The following SUPT3H variants were observed in gnomAD, a reference collection of about 807,000 sequenced individuals.
SUPT3H encodes the protein SPT3 homolog, SAGA and STAGA complex component.
Under a neutral mutation model 44.3 loss-of-function variants are expected in SUPT3H, and 44 were observed. The observed-to-expected ratio is 0.99, with a 90% CI of 0.78 to 1.28. The LOEUF is 1.28. Ranked by LOEUF, SUPT3H falls within the 50% of genes most tolerant of loss-of-function variation. The pLI is 0.00. For synonymous variants in SUPT3H, 124 were observed against 125.6 expected (o/e 0.99, Z 0.09); for missense variants, 380 against 387.1 (o/e 0.98, Z 0.15).
In SUPT3H at chr6:45,253,848, CATATATATATATAT is replaced by C. The variant is rs34256293; in HGVS notation, c.101+111339_101+111352del. Among the ~76,000 whole-genome samples the C allele has an allele frequency of 1.0e-3, 90 of 88,764 alleles. 3 individuals are homozygous for C. Among genetic ancestry groups the C allele is most frequent in the East Asian group, 7.1e-3 (15 of 2,124 alleles). The allele number at this position is 88,764 out of a possible 152,430, so 58.2% of individuals were successfully genotyped here. On this transcript the variant is annotated intron_variant, in intron 2 of 10. Coordinates refer to ENST00000371459, the MANE Select transcript of SUPT3H (RefSeq NM_003599.4). ...AAAAATACACACGTACACATATACG[CATATATATATATAT>C]ATATATATATACACACACACAGTAC...
At chr6:45,123,264 G>A (rs1801929035) in intron 2 of SUPT3H, among the ~76,000 whole-genome samples, 1 of 151,964 alleles carries the variant, frequency 6.6e-6, no homozygotes, top group Admixed American at 6.5e-5. Context: ...ATACAAATAA[G>A]CACACATGAA....
chr6:45,303,029 T>C (rs948154784), intron 2 of SUPT3H, among the ~76,000 whole-genome samples: 1 of 152,106 alleles, frequency 6.6e-6, no homozygotes, highest in African/African-American at 2.4e-5. Flanking sequence ...AAGGATACCC[T>C]ATTGAACAAA....
chr6:45,050,541 C>G (rs1046432246), intron 3 of SUPT3H, among the ~76,000 whole-genome samples: 6 of 151,970 alleles, frequency 3.9e-5, no homozygotes, highest in Admixed American at 1.3e-4. Flanking sequence ...TCATTTGAAC[C>G]TATAAATTAA....
chr6:45,221,010 T>C (rs562638447), intron 2 of SUPT3H, among the ~76,000 whole-genome samples: 1 of 152,186 alleles, frequency 6.6e-6, no homozygotes, highest in Non-Finnish European at 1.5e-5. Context: ...TAAGAAAATA[T>C]GGCACAAATA....
chr6:44,848,704 C>A (rs1436418814), intron 10 of SUPT3H, among the ~76,000 whole-genome samples: 3 of 152,178 alleles, frequency 2.0e-5, no homozygotes, highest in African/African-American at 7.2e-5. Flanking sequence ...GGTACTTCTA[C>A]AAGCATTCTC....
chr6:45,273,584 A>G (rs991187142), intron 2 of SUPT3H, among the ~76,000 whole-genome samples: 1 of 152,222 alleles, frequency 6.6e-6, no homozygotes, highest in African/African-American at 2.4e-5. Context: ...ACCCAGGCAT[A>G]GTATTTCATA....
chr6:45,129,512 T>C (rs543720350), intron 2 of SUPT3H, among the ~76,000 whole-genome samples: 11 of 152,304 alleles, frequency 7.2e-5, no homozygotes, highest in African/African-American at 4.8e-5. Flanking sequence ...TAAGGAGAAT[T>C]AGACTGCTAA....
intron 2 of SUPT3H, among the ~76,000 whole-genome samples, chr6:45,332,900 A>G (rs1157619124): frequency 6.6e-6 from 1 of 151,678 alleles, no homozygotes; most frequent in African/African-American, 2.4e-5. Flanking sequence ...ACGTTACCTT[A>G]ATGTACTATT....
intron 10 of SUPT3H, among the ~76,000 whole-genome samples, chr6:44,928,670 C>T (rs977827379): frequency 2.7e-5 from 4 of 150,728 alleles, no homozygotes; most frequent in African/African-American, 9.8e-5. Flanking sequence ...CCGAGGCGGG[C>T]GGATCACGAG....
At chr6:45,181,150 T>C (rs1813092157) in intron 2 of SUPT3H, among the ~76,000 whole-genome samples, 1 of 138,146 alleles carries the variant, frequency 7.2e-6, no homozygotes, top group African/African-American at 2.8e-5. Flanking sequence ...GAAATGCAAA[T>C]CAAAACCACA....
At chr6:45,339,365 C>T (rs1789285731) in intron 2 of SUPT3H, among the ~76,000 whole-genome samples, 1 of 152,032 alleles carries the variant, frequency 6.6e-6, no homozygotes, top group Non-Finnish European at 1.5e-5. Flanking sequence ...AGATTGTGAG[C>T]CAATAGATAG....
chr6:45,248,721 C>A (rs576096854), intron 2 of SUPT3H, among the ~76,000 whole-genome samples: 2 of 152,114 alleles, frequency 1.3e-5, no homozygotes, highest in East Asian at 3.9e-4. Flanking sequence ...TCGAGACCAC[C>A]CTGGTCAACA....
At chr6:44,877,277 G>A (rs1298177799) in intron 10 of SUPT3H, among the ~76,000 whole-genome samples, 2 of 152,138 alleles carry the variant, frequency 1.3e-5, no homozygotes, top group Non-Finnish European at 2.9e-5. Context: ...GACCAGTCTG[G>A]TCAACATGGT....
rs1785582157 is a variant in SUPT3H at position 45,322,076 on chromosome 6, AAAAG to A, written c.101+43121_101+43124del. Among the ~76,000 whole-genome samples, 3 of 152,102 alleles carry A rather than the reference AAAAG, an allele frequency of 2.0e-5. No homozygotes were observed. In the South Asian group the frequency reaches 6.2e-4, roughly 31 times the overall value. ...TAATTATCCAATGCAGCATTTTATA[AAAAG>A]AAACAATTAACATTTTATAAAAGTC... On this transcript the variant is annotated intron_variant, in intron 2 of 10. Coordinates refer to ENST00000371459, the MANE Select transcript of SUPT3H (RefSeq NM_003599.4).
At chr6:45,009,962 T>C (rs1054395617) in intron 5 of SUPT3H, among the ~76,000 whole-genome samples, 19 of 138,002 alleles carry the variant, frequency 1.4e-4, no homozygotes, top group Non-Finnish European at 2.0e-4. Flanking sequence ...ATACTGAATG[T>C]TCCAATCCAT....
At chr6:45,214,015 C>CAAGAAA (rs1554288435) in intron 2 of SUPT3H, among the ~76,000 whole-genome samples, 1 of 74,120 alleles carries the variant, frequency 1.3e-5, no homozygotes, top group Non-Finnish European at 2.4e-5. Context: ...TTTTGAAATG[C>CAAGAAA]AAAAAAAAAA....
chr6:44,900,259 AT>A (rs1764762698), intron 10 of SUPT3H, among the ~76,000 whole-genome samples: 1 of 152,210 alleles, frequency 6.6e-6, no homozygotes. Flanking sequence ...GGGTCAGGGA[AT>A]TACCTTTCCT....
chr6:45,160,859 T>C (rs1012486796), intron 2 of SUPT3H, among the ~76,000 whole-genome samples: 2 of 152,154 alleles, frequency 1.3e-5, no homozygotes, highest in African/African-American at 4.8e-5. Context: ...TTTTCCTGCC[T>C]CTGAAACAGG....
intron 2 of SUPT3H, among the ~76,000 whole-genome samples, chr6:45,224,785 A>AG (rs1183623345): frequency 1.3e-5 from 2 of 151,836 alleles, no homozygotes; most frequent in Admixed American, 1.3e-4. Flanking sequence ...CTCCAAAAAA[A>AG]AAAAAGAAAG....
Sources: allele counts gnomAD v4.1 joint callset (sites outside exome capture counted in the v4.1 genomes callset), GRCh38; gene constraint gnomAD v4.1.1; transcripts MANE v1.5; gene names NCBI Gene and HGNC (gene_info 2026-07-23, HGNC 2026-07-21).